The following PTPRH variants were observed in gnomAD, a reference collection of about 807,000 sequenced individuals.
The protein encoded by PTPRH is receptor-type tyrosine-protein phosphatase H.
Under a neutral mutation model 130.2 loss-of-function variants are expected in PTPRH, and 113 were observed. That is an observed-to-expected ratio of 0.87 (90% CI 0.75 to 1.01). The LOEUF is 1.01. Among genes scored for constraint, PTPRH ranks in the 50% least tolerant of loss-of-function variants. The pLI, the probability that PTPRH is intolerant of heterozygous loss-of-function variation, is 0.00. For missense variants in PTPRH, 1,430 were observed against 1,425.0 expected (o/e 1.00, Z -0.06); for synonymous variants, 556 against 577.9 (o/e 0.96, Z 0.54).
chr19:55,202,423 C>T, intron 5 of PTPRH, 101 bp from the exon 6 acceptor site: 1 of 1,526,636 alleles, frequency 6.6e-7, no homozygotes, highest in East Asian at 2.3e-5. Context: ...GGCAGGGAGG[C>T]CCAGTTCTGC....
intron 12 of PTPRH, chr19:55,189,838 T>C: frequency 2.3e-6 from 1 of 427,292 alleles, no homozygotes; most frequent in Non-Finnish European, 4.7e-6. Context: ...TACAAAAAAT[T>C]AAAAAATTAG....
chr19:55,205,311 G>A lies in PTPRH; in HGVS notation c.619+15C>T. 6.2e-7 allele frequency: 1 copy of A among 1,613,828 alleles called. No individual in the cohort carries two copies. The highest frequency in any genetic ancestry group is 8.5e-7 in the Non-Finnish European group (1 of 1,179,760). ...TAAACAAGTAAGAGCAAAACAAATGGCGACTGCCTCTCACCTGTGGTGGCA... is the reference window on the plus strand; with the variant it reads ...TAAACAAGTAAGAGCAAAACAAATGACGACTGCCTCTCACCTGTGGTGGCA... On this transcript the variant is annotated intron_variant, in intron 4 of 19. Transcript: ENST00000376350.
chr19:55,201,962 C>T (rs2086876159), intron 6 of PTPRH, 94 bp downstream of exon 6: 1 of 1,555,648 alleles, frequency 6.4e-7, no homozygotes, highest in South Asian at 1.2e-5. Flanking sequence ...TCAATATGGC[C>T]CAGAGGGACT....
At chr19:55,200,621 T>C (rs2086830143) in intron 6 of PTPRH, 119 bp from the exon 7 acceptor site, 1 of 1,146,002 alleles carries the variant, frequency 8.7e-7, no homozygotes, top group South Asian at 1.5e-5. Context: ...TGCCAGCAGA[T>C]GCAGGGTGTA....
intron 5 of PTPRH, among the ~76,000 whole-genome samples, 163 bp from the exon 6 acceptor site, chr19:55,202,485 G>A (rs1409696859): frequency 6.6e-6 from 1 of 152,144 alleles, no homozygotes; most frequent in African/African-American, 2.4e-5. Context: ...GCACCGTGAG[G>A]TGGCTTTTGT....
chr19:55,196,728 A>G lies in PTPRH; in HGVS notation c.2051T>C (p.Leu684Ser), dbSNP rs757127897. Residue 684 changes from leucine to serine, a missense_variant, in exon 10 of 20, where the codon TTG becomes TCG. Leu to Ser is a moderately radical substitution (Grantham distance 145, BLOSUM62 -2). Coordinates refer to ENST00000376350, the MANE Select transcript of PTPRH (RefSeq NM_002842.5). Reference sequence around the variant, plus strand: ...GCCTCCCTGGGGGCAGGACCAGATCAAGTTGACTCCATAGCCCGCTGAGGT... The same window carrying G: ...GCCTCCCTGGGGGCAGGACCAGATCGAGTTGACTCCATAGCCCGCTGAGGT... ...VSTSAGYGVN[L>S]IWSCPQGGYE... The G allele has an allele frequency of 6.2e-7, 1 of 1,614,136 alleles. No homozygotes were observed. Among genetic ancestry groups the G allele is most frequent in the African/African-American group, 1.3e-5 (1 of 75,024 alleles).
rs1270255124 is a variant in PTPRH at position 55,187,241 on chromosome 19, A to G, written c.2566+272T>C. The stretch of plus-strand genomic sequence containing the variant: ...GCACCTGTAGTCCCAGCTACTCGGG[A>G]GGCTGAGGCAGGAGAATGGCGTGAA... On this transcript the variant is annotated intron_variant, in intron 14 of 19. Transcript: ENST00000376350. Among the ~76,000 whole-genome samples, 15 of 140,764 alleles carry G rather than the reference A, an allele frequency of 1.1e-4. No individual in the cohort carries two copies. In the Admixed American group the frequency reaches 1.1e-3, roughly 10 times the overall value. 92.3% of individuals were successfully genotyped at this position (140,764 alleles called of 152,430 possible).
At chr19:55,191,957 T>C (rs1430946497) in intron 10 of PTPRH, 1 of 659,716 alleles carries the variant, frequency 1.5e-6, no homozygotes, top group Non-Finnish European at 2.8e-6. Flanking sequence ...GCCCCTCTCC[T>C]ACCTCCTCCT....
rs755210742 is a variant in PTPRH, at chr19:55,185,856, A to G, written c.2901+6T>C. On this transcript the variant is annotated splice_donor_region_variant and intron_variant, in intron 17 of 19. Coordinates refer to ENST00000376350, the MANE Select transcript of PTPRH (RefSeq NM_002842.5). ...TGAGGGCCAGGACGGGGCTGGACAC[A>G]CGCACCTGGAGGAGCAGCAGTTCCC... 8 of 1,613,970 alleles carry G rather than the reference A, an allele frequency of 5.0e-6. No homozygotes were observed. Among genetic ancestry groups the G allele is most frequent in the Non-Finnish European group, 6.8e-6 (8 of 1,180,020 alleles).
At chr19:55,205,998 C>T (rs1039873899) in intron 3 of PTPRH, among the ~76,000 whole-genome samples, 7 of 152,086 alleles carry the variant, frequency 4.6e-5, no homozygotes, top group African/African-American at 1.4e-4. Context: ...TTTGGGAGGC[C>T]GAGGCAGGCG....
Position 55,207,348 on chromosome 19 carries a change from C to T in PTPRH, c.52-149G>A, listed in dbSNP as rs374636353. 1.8e-4 allele frequency: 138 copies of T among 779,608 alleles called. 1 individual carries two copies. The highest frequency in any genetic ancestry group is 1.5e-3 in the East Asian group (54 of 36,466). 48.3% of individuals were successfully genotyped at this position (779,608 alleles called of 1,614,324 possible). A position where few individuals can be genotyped will look rare whatever the true frequency, so the allele number is the denominator to read the frequency against. On this transcript the variant is annotated intron_variant, in intron 1 of 19. Transcript: ENST00000376350. ...CCGGTGTTAGGCTGGGCTGTCACGA[C>T]CTCGACCGTCTTTCCTGGGTCGAGG... is the stretch of plus-strand genomic sequence containing the variant.
At position 55,188,115 on chromosome 19, in the gene PTPRH, TC is replaced by T. The variant is rs2086417817; in HGVS notation, c.2437del (p.Glu813ArgfsTer51). ...TGCAAAACCACAGTTGCTGTCCCTC[TC>T]ATTCTTCCTGACGTGGTCAGCGAAG... Reference protein sequence around the residue: ...EDFADHVRKNERDSNCGFADE... With the variant: ...EDFADHVRKNXRDSNCGFADE... On this transcript the variant is annotated frameshift_variant, in exon 13 of 20. Transcript: ENST00000376350. The T allele has an allele frequency of 1.2e-6, 2 of 1,614,012 alleles. No individual in the cohort carries two copies. Among genetic ancestry groups the T allele is most frequent in the African/African-American group, 2.7e-5 (2 of 74,920 alleles).
At chr19:55,197,478 C>T in intron 8 of PTPRH, 62 bp from the exon 9 acceptor site, 1 of 1,462,426 alleles carries the variant, frequency 6.8e-7, no homozygotes, top group African/African-American at 1.4e-5. Context: ...CCCAGCCTGT[C>T]TGCCTCTCCC....
At chr19:55,183,511 G>A (rs1415249477) in intron 18 of PTPRH, among the ~76,000 whole-genome samples, 2 of 152,094 alleles carry the variant, frequency 1.3e-5, no homozygotes, top group Admixed American at 6.5e-5. Context: ...ATCACCGGAG[G>A]TCAGGCGTTG....
Position 55,207,211 on chromosome 19 carries a change from C to G in PTPRH, c.52-12G>C, listed in dbSNP as rs1033193589. 1 of 1,612,298 alleles carries G rather than the reference C, an allele frequency of 6.2e-7. No homozygotes were observed. The highest frequency in any genetic ancestry group is 1.3e-5 in the African/African-American group (1 of 74,862). On this transcript the variant is annotated splice_polypyrimidine_tract_variant and intron_variant, in intron 1 of 19. Transcript: ENST00000376350. ...CAGCTGCACAGGCCCTGGAGGGAAC[C>G]CAGAGAAAACGGAGTCAGCCTCTCA...
At position 55,182,013 on chromosome 19, in the gene PTPRH, C is replaced by T. The variant is rs756180252; in HGVS notation, c.3198+3G>A. The T allele has an allele frequency of 2.5e-6, 4 of 1,614,104 alleles. No homozygotes were observed. Among genetic ancestry groups the T allele is most frequent in the Middle Eastern group, 1.6e-4 (1 of 6,062 alleles). ...GTCCTGTGTTGCTGAGGGACTGCCT[C>T]ACCTCAGTCTGCACCATCAACGGCC... On this transcript the variant is annotated splice_donor_region_variant and intron_variant, in intron 19 of 19. Transcript: ENST00000376350.
Position 55,203,809 on chromosome 19 carries a change from A to G in PTPRH, c.859T>C (p.Ser287Pro), listed in dbSNP as rs1166635746. ...VWVEKDGVNS[S>P]VEIVTSATAP... The stretch of plus-strand genomic sequence containing the variant: ...GTGGCACTAGTGACAATCTCCACAG[A>G]GCTATTTACTCCGTCTTTCTCCACC... The change falls in exon 5 of 20, where the codon TCT (serine) becomes CCT (proline). Residue 287 changes from serine to proline, a missense_variant. By Grantham distance (74) the Ser-to-Pro change is moderately conservative. Transcript: ENST00000376350. 1 of 1,612,418 alleles carries G rather than the reference A, an allele frequency of 6.2e-7. No individual in the cohort carries two copies. Among genetic ancestry groups the G allele is most frequent in the African/African-American group, 1.3e-5 (1 of 74,892 alleles).
chr19:55,182,037 C>CCGACT lies in PTPRH; in HGVS notation c.3172_3176dup (p.Pro1060ValfsTer4), dbSNP rs1389785777. Reference sequence around the variant, plus strand: ...TCACCTCAGTCTGCACCATCAACGGCCGACTCTCTCTCATCTTCCTTACAA... The same window carrying CCGACT: ...TCACCTCAGTCTGCACCATCAACGGCCGACTCGACTCTCTCTCATCTTCCTTACAA... On this transcript the variant is annotated frameshift_variant, in exon 19 of 20. Coordinates refer to ENST00000376350, the MANE Select transcript of PTPRH (RefSeq NM_002842.5). LOFTEE classifies it low-confidence loss of function (END_TRUNC). 6.2e-7 allele frequency: 1 copy of CCGACT among 1,614,034 alleles called. No homozygotes were observed. The highest frequency in any genetic ancestry group is 8.5e-7 in the Non-Finnish European group (1 of 1,180,036).
At position 55,196,645 on chromosome 19, in the gene PTPRH, A is replaced by T; in HGVS notation, c.2134T>A (p.Cys712Ser). 6.2e-7 allele frequency: 1 copy of T among 1,614,008 alleles called. No individual in the cohort carries two copies. Among genetic ancestry groups the T allele is most frequent in the Non-Finnish European group, 8.5e-7 (1 of 1,179,992 alleles). ...GQRGSQDRSSCGEAVSVLGLG... is the reference protein window; with the variant it reads ...GQRGSQDRSSSGEAVSVLGLG... ...CCCAACACAGACACAGCCTCCCCAC[A>T]TGAAGATCTGTCCTGGGAGCCCCGC... Residue 712 changes from cysteine to serine, a missense_variant, in exon 10 of 20, where the codon TGT (cysteine) becomes AGT (serine). Transcript: ENST00000376350.
Sources: gnomAD v4.1 joint callset for allele counts (sites outside exome capture counted in the v4.1 genomes callset) on GRCh38, gnomAD v4.1.1 for gene constraint, MANE v1.5 for transcripts, NCBI Gene and HGNC (gene_info 2026-07-23, HGNC 2026-07-21) for gene names.